Variants in ZNF292 observed in about 807,000 individuals in gnomAD.
ZNF292 encodes zinc finger protein 292.
Under a neutral mutation model 217.9 loss-of-function variants are expected in ZNF292, and 26 were observed. That is an observed-to-expected ratio of 0.12 (90% CI 0.09 to 0.17). The LOEUF (loss-of-function observed/expected upper bound fraction) is 0.17. Ranked by LOEUF, ZNF292 falls within the 10% of genes least tolerant of loss-of-function variation. ZNF292 has a pLI of 1.00. For missense variants in ZNF292, 2,904 were observed against 3,175.2 expected (o/e 0.91, Z 2.05); for synonymous variants, 1,257 against 1,124.1 (o/e 1.12, Z -2.37).
chr6:87,195,818 AG>A (rs1242647552), intron 1 of ZNF292, among the ~76,000 whole-genome samples: 1 of 152,170 alleles, frequency 6.6e-6, no homozygotes, highest in Non-Finnish European at 1.5e-5. Context: ...ACCTGAGGTC[AG>A]GAGTTCGAGA....
chr6:87,210,407 G>A (rs1473872412), intron 1 of ZNF292, among the ~76,000 whole-genome samples: 5 of 152,110 alleles, frequency 3.3e-5, no homozygotes, highest in Non-Finnish European at 7.4e-5. Context: ...AAGAAACAGT[G>A]TGTTAGAGAT....
intron 7 of ZNF292, among the ~76,000 whole-genome samples, chr6:87,254,103 A>G (rs1286066512): frequency 6.6e-6 from 1 of 152,180 alleles, no homozygotes; most frequent in African/African-American, 2.4e-5. Context: ...ACCTTATTTT[A>G]TAGAAGCAAA....
chr6:87,166,920 T>C (rs1024508490), intron 1 of ZNF292, among the ~76,000 whole-genome samples: 2 of 152,228 alleles, frequency 1.3e-5, no homozygotes, highest in Admixed American at 6.5e-5. Context: ...TGTCCTCAGA[T>C]ATTAACACTT....
At chr6:87,245,273 G>A (rs763324471) in intron 6 of ZNF292, among the ~76,000 whole-genome samples, 7 of 152,088 alleles carry the variant, frequency 4.6e-5, no homozygotes, top group African/African-American at 1.7e-4. Flanking sequence ...CTAGTAGAAG[G>A]TAGTGCTTCT....
intron 4 of ZNF292, among the ~76,000 whole-genome samples, chr6:87,219,707 C>A (rs1772980456): frequency 6.6e-6 from 1 of 152,170 alleles, no homozygotes; most frequent in Admixed American, 6.5e-5. Flanking sequence ...GTACTTGTTT[C>A]TTAGTTTTCA....
At position 87,256,852 on chromosome 6, in the gene ZNF292, C is replaced by A. The variant is rs763025938; in HGVS notation, c.3223C>A (p.Pro1075Thr). The A allele has an allele frequency of 1.9e-6, 3 of 1,613,654 alleles. No homozygotes were observed. Among genetic ancestry groups the A allele is most frequent in the Admixed American group, 3.3e-5 (2 of 59,974 alleles). ...GACATTAGAAAGTATTGCATTTGTT[C>A]CACCGCAGTCCGACCTAAGTAATTC... ...LKTLESIAFV[P>T]PQSDLSNSLG... Residue 1075 changes from proline to threonine, a missense_variant, in exon 8 of 8, where the codon CCA becomes ACA. Transcript: ENST00000369577.
intron 7 of ZNF292, among the ~76,000 whole-genome samples, chr6:87,248,762 A>G (rs1391512910): frequency 6.6e-6 from 1 of 152,208 alleles, no homozygotes; most frequent in Non-Finnish European, 1.5e-5. Context: ...CTTAATCACC[A>G]TAGGTTTCAT....
chr6:87,238,576 T>C (rs923256687), intron 5 of ZNF292, among the ~76,000 whole-genome samples: 1 of 151,150 alleles, frequency 6.6e-6, no homozygotes, highest in Non-Finnish European at 1.5e-5. Context: ...TGGTACCATA[T>C]GAGCACTCAG....
At chr6:87,168,279 A>G (rs1027319672) in intron 1 of ZNF292, among the ~76,000 whole-genome samples, 2 of 152,240 alleles carry the variant, frequency 1.3e-5, no homozygotes, top group Admixed American at 6.5e-5. Flanking sequence ...CTTGCTCAGT[A>G]TGACCCAGTG....
chr6:87,239,880 G>A (rs1774166507), intron 5 of ZNF292, among the ~76,000 whole-genome samples: 1 of 151,562 alleles, frequency 6.6e-6, no homozygotes, highest in Non-Finnish European at 1.5e-5. Context: ...GGGCAGCCGG[G>A]CAGAGAGGCT....
rs1229301792 is a variant in ZNF292, at chr6:87,256,670, G to A, written c.3041G>A (p.Gly1014Asp). The A allele has an allele frequency of 8.7e-6, 14 of 1,613,416 alleles. No individual in the cohort carries two copies. Among genetic ancestry groups the A allele is most frequent in the Non-Finnish European group, 1.0e-5 (12 of 1,179,820 alleles). The change falls in exon 8 of 8, where the codon GGT (glycine) becomes GAT (aspartate). Residue 1014 changes from glycine (G) to aspartate (D), a missense_variant. By Grantham distance (94) the Gly-to-Asp change is moderately conservative (BLOSUM62 -1). This residue lies in a region of ZNF292 where 687 missense variants were observed against 623.0 expected (regional missense o/e 1.10). Transcript: ENST00000369577. ...SLVNSETLKI[G>D]DLTPQNLERQ... is the part of the protein sequence containing the mutation. ...GTAAATTCAGAAACTCTCAAAATAG[G>A]TGACCTTACCCCACAAAACTTAGAA...
intron 5 of ZNF292, among the ~76,000 whole-genome samples, chr6:87,238,770 G>A (rs910769259): frequency 6.6e-6 from 1 of 151,590 alleles, no homozygotes; most frequent in African/African-American, 2.4e-5. Context: ...TGGAGGGAAG[G>A]TCAGCAGATA....
In ZNF292 at chr6:87,262,265, G is replaced by A. The variant is rs1775645866; in HGVS notation, c.*464G>A. ...TTTTAATTTTTAACTAAGCGATCAAGTTTTTTAAATTGTTCTTTTATTGTT... is the reference window on the plus strand; with the variant it reads ...TTTTAATTTTTAACTAAGCGATCAAATTTTTTAAATTGTTCTTTTATTGTT... On this transcript the variant is annotated 3_prime_UTR_variant, in exon 8 of 8. Transcript: ENST00000369577. The A allele has an allele frequency of 6.6e-6, 1 of 152,048 alleles. No homozygotes were observed. The highest frequency in any genetic ancestry group is 1.5e-5 in the Non-Finnish European group (1 of 67,952). 9.4% of individuals were successfully genotyped at this position (152,048 alleles called of 1,614,324 possible).
chr6:87,174,568 C>T (rs965149637), intron 1 of ZNF292, among the ~76,000 whole-genome samples: 2 of 152,088 alleles, frequency 1.3e-5, no homozygotes, highest in Non-Finnish European at 2.9e-5. Context: ...TTTTTTCCTC[C>T]TATTTCCTCT....
chr6:87,216,156 C>CAA (rs1772762654), intron 2 of ZNF292, 99 bp downstream of exon 2: 2 of 1,124,390 alleles, frequency 1.8e-6, no homozygotes, highest in Admixed American at 4.9e-5. Context: ...CACACACACA[C>CAA]AACATTAAAT....
At chr6:87,241,770 C>T (rs533159606) in intron 5 of ZNF292, among the ~76,000 whole-genome samples, 1 of 152,300 alleles carries the variant, frequency 6.6e-6, no homozygotes, top group African/African-American at 2.4e-5. Context: ...TGTGGCTTAA[C>T]CACTTAACTA....
intron 7 of ZNF292, among the ~76,000 whole-genome samples, chr6:87,253,974 A>ATC (rs1775069480): frequency 1.3e-5 from 2 of 152,198 alleles, no homozygotes; most frequent in Non-Finnish European, 2.9e-5. Context: ...TTCAAAAGAA[A>ATC]AAGTTTGTTG....
chr6:87,237,216 A>T (rs1434635637), intron 5 of ZNF292, among the ~76,000 whole-genome samples: 1 of 152,164 alleles, frequency 6.6e-6, no homozygotes, highest in Admixed American at 6.6e-5. Flanking sequence ...TATTATTTTG[A>T]TAAGCAAATC....
In ZNF292 at chr6:87,258,755, G is replaced by A. The variant is rs1030081932; in HGVS notation, c.5126G>A (p.Ser1709Asn). The change falls in exon 8 of 8, where the codon AGT (serine) becomes AAT (asparagine). Residue 1709 changes from serine (S) to asparagine (N), a missense_variant. Coordinates refer to ENST00000369577, the MANE Select transcript of ZNF292 (RefSeq NM_015021.3). Reference sequence around the variant, plus strand: ...GATGTAAAAGAGAATTTCAAAACCAGTCTTGAGTCCCATACAGTGTTAGCC... The same window carrying A: ...GATGTAAAAGAGAATTTCAAAACCAATCTTGAGTCCCATACAGTGTTAGCC... Reference protein sequence around the residue: ...MTDVKENFKTSLESHTVLAPL... With the variant: ...MTDVKENFKTNLESHTVLAPL... The A allele has an allele frequency of 1.9e-6, 3 of 1,613,322 alleles. No homozygotes were observed. In the African/African-American group the frequency reaches 4.0e-5, roughly 22 times the overall value.
Sources: gnomAD v4.1 joint callset for allele counts (sites outside exome capture counted in the v4.1 genomes callset) on GRCh38, gnomAD v4.1.1 for gene constraint, gnomAD v4.1.1 regional missense constraint, MANE v1.5 for transcripts, NCBI Gene and HGNC (gene_info 2026-07-23, HGNC 2026-07-21) for gene names.